The following PPARGC1A variants were observed in gnomAD, a reference collection of about 807,000 sequenced individuals.
PPARGC1A encodes peroxisome proliferator-activated receptor gamma coactivator 1-alpha.
PPARGC1A carries 25 observed loss-of-function variants against 88.7 expected under a neutral mutation model. That is an observed-to-expected ratio of 0.28 (90% CI 0.21 to 0.39). PPARGC1A has a LOEUF of 0.39. Ranked by LOEUF, PPARGC1A falls within the 10% of genes least tolerant of loss-of-function variation. PPARGC1A has a pLI of 1.00. For synonymous variants in PPARGC1A, 363 were observed against 355.6 expected (o/e 1.02, Z -0.24); for missense variants, 880 against 968.7 (o/e 0.91, Z 1.22).
At chr4:24,254,479 A>T in the PPARGC1A span, among the ~76,000 whole-genome samples, 1 of 152,298 alleles carries the variant, frequency 6.6e-6, no homozygotes, top group East Asian at 1.9e-4. Context: ...ACATAGAAAG[A>T]TCTAGATAGC....
the PPARGC1A span, among the ~76,000 whole-genome samples, chr4:24,160,652 T>C: frequency 1.3e-5 from 2 of 152,164 alleles, no homozygotes; most frequent in Non-Finnish European, 2.9e-5. Flanking sequence ...CAATCTGAAC[T>C]CTCATTTTTA....
At chr4:24,028,641 A>G in the PPARGC1A span, among the ~76,000 whole-genome samples, 5 of 152,282 alleles carry the variant, frequency 3.3e-5, no homozygotes, top group Middle Eastern at 6.8e-3. Context: ...CTGGCTCCTC[A>G]TCTCACTACC....
the PPARGC1A span, among the ~76,000 whole-genome samples, chr4:23,974,526 C>T: frequency 6.6e-6 from 1 of 152,160 alleles, no homozygotes; most frequent in Non-Finnish European, 1.5e-5. Context: ...CTCTCACTTA[C>T]ATAGGAGAAA....
At chr4:24,342,235 G>A in the PPARGC1A span, among the ~76,000 whole-genome samples, 1 of 152,112 alleles carries the variant, frequency 6.6e-6, no homozygotes, top group Admixed American at 6.5e-5. Context: ...CTATGTGCCA[G>A]GTAGTGTCCA....
At chr4:24,454,833 G>A in the PPARGC1A span, among the ~76,000 whole-genome samples, 2 of 152,006 alleles carry the variant, frequency 1.3e-5, no homozygotes, top group Non-Finnish European at 2.9e-5. Context: ...TCAGGCAAGA[G>A]GTCTTATTTT....
At chr4:23,924,952 T>C in the PPARGC1A span, among the ~76,000 whole-genome samples, 2 of 152,190 alleles carry the variant, frequency 1.3e-5, no homozygotes, top group Non-Finnish European at 2.9e-5. Flanking sequence ...AAGATCAGAA[T>C]ATGTCAGCTT....
the PPARGC1A span, among the ~76,000 whole-genome samples, chr4:24,396,118 G>A: frequency 6.6e-6 from 1 of 152,000 alleles, no homozygotes; most frequent in Non-Finnish European, 1.5e-5. Flanking sequence ...GCAGACACTG[G>A]GTCCTTGGTC....
chr4:24,123,254 T>C, the PPARGC1A span, among the ~76,000 whole-genome samples: 1 of 152,136 alleles, frequency 6.6e-6, no homozygotes, highest in Non-Finnish European at 1.5e-5. Context: ...TGCCACCAGG[T>C]AGTACCAAAC....
At chr4:24,252,234 C>A in the PPARGC1A span, among the ~76,000 whole-genome samples, 1 of 152,090 alleles carries the variant, frequency 6.6e-6, no homozygotes, top group African/African-American at 2.4e-5. Context: ...TTTTTCTGTG[C>A]AGCCTAGGGT....
chr4:24,254,590 C>A, the PPARGC1A span, among the ~76,000 whole-genome samples: 1 of 152,200 alleles, frequency 6.6e-6, no homozygotes, highest in African/African-American at 2.4e-5. Context: ...TGTCTAAATA[C>A]AACCAACTAA....
the PPARGC1A span, among the ~76,000 whole-genome samples, chr4:24,445,822 C>T: frequency 6.6e-6 from 1 of 152,244 alleles, no homozygotes; most frequent in East Asian, 1.9e-4. Flanking sequence ...AATCTCTGCA[C>T]TTTGGGAGGC....
chr4:24,118,106 A>T, the PPARGC1A span, among the ~76,000 whole-genome samples: 1 of 152,168 alleles, frequency 6.6e-6, no homozygotes, highest in South Asian at 2.1e-4. Context: ...CTGAATTTAC[A>T]ACAAAGCCCT....
the PPARGC1A span, among the ~76,000 whole-genome samples, chr4:24,303,713 A>G: frequency 6.6e-6 from 1 of 152,178 alleles, no homozygotes; most frequent in Non-Finnish European, 1.5e-5. Context: ...ACAATTCCTC[A>G]ATTTTTTTCC....
Position 23,863,139 on chromosome 4 carries a change from ATCCT to A in PPARGC1A, c.234+21609_234+21612del, listed in dbSNP as rs370826081. On this transcript the variant is annotated intron_variant, in intron 2 of 12. Transcript: ENST00000264867. ...CTTAATATGACAACAATCTTTATTG[ATCCT>A]TCCTTCGGGAAGTCTGCCATATGCA... Among the ~76,000 whole-genome samples, 594 of 152,136 alleles carry A rather than the reference ATCCT, an allele frequency of 3.9e-3. 18 individuals are homozygous for A. In the South Asian group the frequency reaches 0.066, roughly 17 times the overall value.
the PPARGC1A span, among the ~76,000 whole-genome samples, chr4:24,128,204 C>T: frequency 6.6e-6 from 1 of 152,158 alleles, no homozygotes; most frequent in Admixed American, 6.5e-5. Context: ...ATTATACACT[C>T]GTCCTGGTTT....
At chr4:24,180,395 A>G in the PPARGC1A span, among the ~76,000 whole-genome samples, 429 of 152,330 alleles carry the variant, frequency 2.8e-3, 1 homozygote, top group African/African-American at 9.8e-3. Flanking sequence ...ACATAACTTA[A>G]AATTAAAATG....
chr4:24,186,009 T>A, the PPARGC1A span, among the ~76,000 whole-genome samples: 3 of 151,906 alleles, frequency 2.0e-5, no homozygotes, highest in South Asian at 2.1e-4. Context: ...GAAAAAAAAA[T>A]TATTAAAGTA....
chr4:24,002,604 CT>C, the PPARGC1A span, among the ~76,000 whole-genome samples: 31,206 of 136,236 alleles, frequency 0.23, 3,332 homozygotes, highest in East Asian at 0.38. Flanking sequence ...GTGCATGCTG[CT>C]TTTTTTTTTT....
the PPARGC1A span, among the ~76,000 whole-genome samples, chr4:24,129,523 A>T: frequency 6.6e-6 from 1 of 152,212 alleles, no homozygotes. Context: ...AAAGAATACT[A>T]GTTTAATAAC....
Sources: allele counts gnomAD v4.1 joint callset (sites outside exome capture counted in the v4.1 genomes callset), GRCh38; gene constraint gnomAD v4.1.1; transcripts MANE v1.5; gene names NCBI Gene and HGNC (gene_info 2026-07-23, HGNC 2026-07-21).